The following ARHGAP6 variants were observed in gnomAD, a reference collection of about 807,000 sequenced individuals.
ARHGAP6 encodes the protein Rho GTPase activating protein 6.
Under a neutral mutation model 55.7 loss-of-function variants are expected in ARHGAP6, and 16 were observed. The ratio of observed to expected loss-of-function variants is 0.29; its 90% CI spans 0.19 to 0.44. The LOEUF (loss-of-function observed/expected upper bound fraction) is 0.44. Ranked by LOEUF, ARHGAP6 falls within the 20% of genes least tolerant of loss-of-function variation. ARHGAP6 has a pLI of 1.00. For synonymous variants in ARHGAP6, 382 were observed against 360.9 expected (o/e 1.06, Z -0.66); for missense variants, 698 against 808.9 (o/e 0.86, Z 1.66).
At chrX:11,447,347 A>G (rs1389985535) in intron 1 of ARHGAP6, among the ~76,000 whole-genome samples, 6 of 112,584 alleles carry the variant, frequency 5.3e-5, no homozygotes, top group African/African-American at 1.9e-4. Flanking sequence ...GAAAAGTCAA[A>G]TCAATTAAAA....
At chrX:11,294,319 A>G (rs2048045312) in intron 1 of ARHGAP6, among the ~76,000 whole-genome samples, 1 of 112,313 alleles carries the variant, frequency 8.9e-6, no homozygotes, top group African/African-American at 3.2e-5. Flanking sequence ...CTTGTTTTTA[A>G]CAGTAGCAAT....
At chrX:11,333,327 C>A (rs1362631049) in intron 1 of ARHGAP6, among the ~76,000 whole-genome samples, 1 of 111,543 alleles carries the variant, frequency 9.0e-6, no homozygotes, top group Non-Finnish European at 1.9e-5. Context: ...CTCACGAGAT[C>A]TGATGGTTTT....
chrX:11,368,429 C>T (rs1320088595), intron 1 of ARHGAP6, among the ~76,000 whole-genome samples: 1 of 111,646 alleles, frequency 9.0e-6, no homozygotes, highest in African/African-American at 3.3e-5. Context: ...CCCATTTGGC[C>T]CAGGGTTCCA....
chrX:11,356,680 C>T (rs2147682060), intron 1 of ARHGAP6, among the ~76,000 whole-genome samples: 1 of 110,615 alleles, frequency 9.0e-6, no homozygotes, highest in East Asian at 2.8e-4. Context: ...TTTTTAATGT[C>T]TGATGGGACA....
chrX:11,332,890 C>T (rs2048578995), intron 1 of ARHGAP6, among the ~76,000 whole-genome samples: 1 of 111,882 alleles, frequency 8.9e-6, no homozygotes, highest in Non-Finnish European at 1.9e-5. Flanking sequence ...AGAACAGTTT[C>T]ATTGCCACAA....
rs2052747060 is a variant in ARHGAP6 at position 11,665,381 on chromosome X, G to T, written c.-553C>A. On this transcript the variant is annotated 5_prime_UTR_variant, in exon 1 of 13. Coordinates refer to ENST00000337414, the MANE Select transcript of ARHGAP6 (RefSeq NM_013427.3). ...TCCCGCTCCTGAGCCGGGCGCCTGAGCTGCGCCTCCCTGCACTCTCTCCTT... is the reference window on the plus strand; with the variant it reads ...TCCCGCTCCTGAGCCGGGCGCCTGATCTGCGCCTCCCTGCACTCTCTCCTT... The T allele has an allele frequency of 8.8e-6, 1 of 113,624 alleles. No homozygotes were observed. Among genetic ancestry groups the T allele is most frequent in the Admixed American group, 9.1e-5 (1 of 10,937 alleles). The allele number at this position is 113,624 out of a possible 1,213,427, so 9.4% of individuals were successfully genotyped here. A position where few individuals can be genotyped will look rare whatever the true frequency, so the allele number is the denominator to read the frequency against.
intron 1 of ARHGAP6, among the ~76,000 whole-genome samples, chrX:11,568,245 T>G (rs1378130123): frequency 8.9e-6 from 1 of 112,403 alleles, no homozygotes; most frequent in African/African-American, 3.2e-5. Context: ...ACATGCCATA[T>G]AGCTGAAAGC....
At chrX:11,460,643 A>G (rs17327767) in intron 1 of ARHGAP6, among the ~76,000 whole-genome samples, 12,958 of 111,654 alleles carry the variant, frequency 0.12, 711 homozygotes, top group Admixed American at 0.21. Flanking sequence ...CCACTCCAGA[A>G]TAGCTTCCTC....
chrX:11,522,070 G>A (rs1197416525), intron 1 of ARHGAP6, among the ~76,000 whole-genome samples: 1 of 111,493 alleles, frequency 9.0e-6, no homozygotes, highest in African/African-American at 3.3e-5. Context: ...TAGAACTCAG[G>A]ATTAAGAAAC....
chrX:11,581,419 T>C (rs757042949), intron 1 of ARHGAP6, among the ~76,000 whole-genome samples: 1 of 111,806 alleles, frequency 8.9e-6, no homozygotes, highest in South Asian at 3.8e-4. Flanking sequence ...TTTAGATACA[T>C]ACTTAAGAAA....
At chrX:11,451,427 T>G (rs1393086835) in intron 1 of ARHGAP6, among the ~76,000 whole-genome samples, 2 of 112,156 alleles carry the variant, frequency 1.8e-5, no homozygotes, top group Non-Finnish European at 3.8e-5. Context: ...GCTAATTGCT[T>G]TCACAGAACA....
chrX:11,419,781 A>G (rs2049796567), intron 1 of ARHGAP6, among the ~76,000 whole-genome samples: 1 of 112,498 alleles, frequency 8.9e-6, no homozygotes, highest in Non-Finnish European at 1.9e-5. Flanking sequence ...CAGATATTTC[A>G]GTCAACTGCA....
intron 1 of ARHGAP6, among the ~76,000 whole-genome samples, chrX:11,567,566 A>AAAAAAAAAAAATATATATATATATAT (rs1440758737): frequency 3.6e-5 from 3 of 84,403 alleles, no homozygotes; most frequent in African/African-American, 4.7e-5. Context: ...AAAAAAAAAA[A>AAAAAAAAAAAATATATATATATATAT]ATATATATAT....
At chrX:11,386,367 T>C (rs1441449150) in intron 1 of ARHGAP6, among the ~76,000 whole-genome samples, 1 of 112,765 alleles carries the variant, frequency 8.9e-6, no homozygotes, top group Non-Finnish European at 1.9e-5. Context: ...TAAAGATCTT[T>C]GCAATATTAC....
At chrX:11,651,532 G>C (rs1008110119) in intron 1 of ARHGAP6, among the ~76,000 whole-genome samples, 1 of 112,100 alleles carries the variant, frequency 8.9e-6, no homozygotes, top group African/African-American at 3.2e-5. Context: ...TCTTTATCCA[G>C]TCTATCATTG....
intron 1 of ARHGAP6, among the ~76,000 whole-genome samples, chrX:11,596,084 A>G (rs774905689): frequency 1.8e-5 from 2 of 112,330 alleles, no homozygotes; most frequent in Admixed American, 9.4e-5. Context: ...ATGTACCCAA[A>G]GGATTATAAA....
chrX:11,411,158 G>T (rs1491003058), intron 1 of ARHGAP6, among the ~76,000 whole-genome samples: 2 of 67,962 alleles, frequency 2.9e-5, no homozygotes, highest in Non-Finnish European at 5.3e-5. Flanking sequence ...ATAGATATTG[G>T]GCCTGTGTCA....
intron 1 of ARHGAP6, among the ~76,000 whole-genome samples, chrX:11,342,324 A>C (rs1005851314): frequency 8.9e-6 from 1 of 111,997 alleles, no homozygotes; most frequent in Non-Finnish European, 1.9e-5. Flanking sequence ...CACAACAGAA[A>C]GGCTTAGTTC....
intron 1 of ARHGAP6, among the ~76,000 whole-genome samples, chrX:11,544,244 T>C (rs73184371): frequency 2.2e-3 from 248 of 112,370 alleles, no homozygotes; most frequent in Admixed American, 3.7e-3. Context: ...TAAAAAACAA[T>C]GCATGACTAC....
Sources: allele counts gnomAD v4.1 joint callset (sites outside exome capture counted in the v4.1 genomes callset), GRCh38; gene constraint gnomAD v4.1.1; transcripts MANE v1.5; gene names NCBI Gene and HGNC (gene_info 2026-07-23, HGNC 2026-07-21).